SPAG17: variants seen among roughly 807,000 people sequenced by gnomAD.
SPAG17 encodes sperm-associated antigen 17.
Under a neutral mutation model 273.6 loss-of-function variants are expected in SPAG17, and 169 were observed. The ratio of observed to expected loss-of-function variants is 0.62; its 90% CI spans 0.55 to 0.70. SPAG17 has a LOEUF of 0.70. Ranked by LOEUF, SPAG17 falls within the 30% of genes least tolerant of loss-of-function variation. The probability of loss-of-function intolerance (pLI) is 0.00; values close to 1 mark genes in which losing one functional copy is unlikely to be tolerated. For synonymous variants in SPAG17, 825 were observed against 873.2 expected, an observed-to-expected ratio of 0.94 and a Z score of 0.97; for missense variants, 2,557 against 2,627.8, an observed-to-expected ratio of 0.97 and a Z score of 0.59.
In SPAG17 at chr1:118,180,037, T is replaced by G. The variant is rs529188238; in HGVS notation, c.87+5034A>C. On this transcript the variant is annotated intron_variant, in intron 1 of 48. Transcript: ENST00000336338. ...GACACTATAGAAAACTGTAGGGAGA[T>G]TCCTCAAAAAACTAATAGTAGAACT... 4.6e-5 allele frequency among the ~76,000 whole-genome samples: 7 copies of G among 152,080 alleles called. No individual in the cohort carries two copies. The South Asian group carries it at 1.2e-3, about 27-fold the overall frequency.
Position 118,055,730 on chromosome 1 carries a change from T to G in SPAG17, c.2722+3A>C, listed in dbSNP as rs1166010347. The G allele has an allele frequency of 2.5e-6, 4 of 1,605,134 alleles. No homozygotes were observed. The South Asian group carries it at 3.3e-5, about 13-fold the overall frequency. Reference sequence around the variant, plus strand: ...CTACGTATAAGTTGAACTGGTTACTTACTTTTAGATTCTTTAATGGAAAAA... The same window carrying G: ...CTACGTATAAGTTGAACTGGTTACTGACTTTTAGATTCTTTAATGGAAAAA... On this transcript the variant is annotated splice_donor_region_variant and intron_variant, in intron 19 of 48. Transcript: ENST00000336338.
intron 13 of SPAG17, among the ~76,000 whole-genome samples, chr1:118,083,616 C>G (rs1654765582): frequency 6.6e-6 from 1 of 152,070 alleles, no homozygotes; most frequent in African/African-American, 2.4e-5. Flanking sequence ...GAAAGCCCAT[C>G]TCTACTAAAA....
Position 118,081,172 on chromosome 1 carries a change from G to A in SPAG17, c.2138C>T (p.Ser713Leu), listed in dbSNP as rs1420030142. 6.2e-7 allele frequency: 1 copy of A among 1,613,856 alleles called. No individual in the cohort carries two copies. The highest frequency in any genetic ancestry group is 8.5e-7 in the Non-Finnish European group (1 of 1,179,978). ...TAACAGCTGTCTATTATCAGGGACTGAGAGTTTGAGATTATTCAAGTCAGA... is the reference window on the plus strand; with the variant it reads ...TAACAGCTGTCTATTATCAGGGACTAAGAGTTTGAGATTATTCAAGTCAGA... ...KHSDLNNLKL[S>L]VPDNRQLLEQ... The change falls in exon 15 of 49, where the codon TCA (serine) becomes TTA (leucine). Residue 713 changes from serine (S) to leucine (L), a missense_variant. Ser to Leu is a moderately radical substitution (Grantham distance 145). Coordinates refer to ENST00000336338, the MANE Select transcript of SPAG17 (RefSeq NM_206996.4).
intron 38 of SPAG17, among the ~76,000 whole-genome samples, chr1:117,989,651 T>C (rs773425485): frequency 1.3e-5 from 2 of 152,076 alleles, no homozygotes; most frequent in Non-Finnish European, 2.9e-5. Flanking sequence ...TCTCTGCTCA[T>C]TGCAACCATC....
At chr1:118,135,979 T>A (rs965835946) in intron 3 of SPAG17, among the ~76,000 whole-genome samples, 4 of 152,206 alleles carry the variant, frequency 2.6e-5, no homozygotes, top group Non-Finnish European at 5.9e-5. Flanking sequence ...GTACTGTCAT[T>A]AATAACTGCA....
intron 3 of SPAG17, among the ~76,000 whole-genome samples, chr1:118,118,396 C>T (rs767185850): frequency 1.6e-4 from 25 of 152,094 alleles, no homozygotes; most frequent in Non-Finnish European, 2.4e-4. Context: ...ATGTGAGCAG[C>T]GAGCTGGCAG....
At position 117,984,624 on chromosome 1, in the gene SPAG17, T is replaced by G. The variant is rs1366992087; in HGVS notation, c.5769+59A>C. 3 of 1,077,532 alleles carry G rather than the reference T, an allele frequency of 2.8e-6. No homozygotes were observed. The East Asian group carries it at 7.7e-5, about 28-fold the overall frequency. 66.7% of individuals were successfully genotyped at this position (1,077,532 alleles called of 1,614,324 possible). ...GAAAGACAGATTACATAATAACATA[T>G]GCAATATACCAAATTTATAAAAACT... is the stretch of plus-strand genomic sequence containing the variant. On this transcript the variant is annotated intron_variant, in intron 41 of 48. Coordinates refer to ENST00000336338, the MANE Select transcript of SPAG17 (RefSeq NM_206996.4).
intron 6 of SPAG17, 34 bp downstream of exon 6, chr1:118,099,572 A>G: frequency 1.3e-6 from 2 of 1,583,726 alleles, no homozygotes; most frequent in South Asian, 2.2e-5. Flanking sequence ...GGTAATATTG[A>G]AGGACTCAGT....
chr1:117,990,936 A>T (rs1251202812), intron 37 of SPAG17, 30 bp from the exon 38 acceptor site: 1 of 1,341,342 alleles, frequency 7.5e-7, no homozygotes, highest in African/African-American at 1.5e-5. Flanking sequence ...ACTTATGATG[A>T]TTATATTACT....
intron 3 of SPAG17, among the ~76,000 whole-genome samples, chr1:118,126,964 C>A (rs1657771087): frequency 1.3e-5 from 2 of 152,080 alleles, no homozygotes; most frequent in African/African-American, 4.8e-5. Context: ...ATTGTATGTT[C>A]TTGGCACTTT....
chr1:117,955,279 A>G, intron 48 of SPAG17: 1 of 1,569,498 alleles, frequency 6.4e-7, no homozygotes, highest in South Asian at 1.1e-5. Context: ...AAACCAACCA[A>G]GAGTATCACT....
At chr1:118,047,442 G>C (rs1650487535) in intron 20 of SPAG17, among the ~76,000 whole-genome samples, 1 of 152,066 alleles carries the variant, frequency 6.6e-6, no homozygotes, top group African/African-American at 2.4e-5. Flanking sequence ...TGCAGACTCA[G>C]GCTCTAGGCC....
Position 118,072,778 on chromosome 1 carries a change from A to C in SPAG17, c.2385+1076T>G, listed in dbSNP as rs183060308. On this transcript the variant is annotated intron_variant, in intron 17 of 48. Transcript: ENST00000336338. ...TATTGTTAACAGTATCAGAGAATGG[A>C]GAAGTGCTAATGTGAATGTGGGGGT... is the stretch of plus-strand genomic sequence containing the variant. Among the ~76,000 whole-genome samples the C allele has an allele frequency of 6.6e-5, 10 of 152,110 alleles. No individual in the cohort carries two copies. In the East Asian group the frequency reaches 1.9e-3, roughly 29 times the overall value.
At chr1:118,008,246 C>A (rs368307667) in intron 30 of SPAG17, 48 bp from the exon 31 acceptor site, 3 of 1,596,000 alleles carry the variant, frequency 1.9e-6, no homozygotes, top group African/African-American at 1.3e-5. Flanking sequence ...GTAGACATTG[C>A]AAAACAGACC....
intron 26 of SPAG17, among the ~76,000 whole-genome samples, chr1:118,027,093 A>G (rs552662402): frequency 1.3e-5 from 2 of 152,338 alleles, no homozygotes; most frequent in South Asian, 4.1e-4. Flanking sequence ...TCAAAGAAAT[A>G]TATCCTTGAA....
chr1:118,052,993 C>A (rs377556670), intron 20 of SPAG17, among the ~76,000 whole-genome samples: 1 of 151,622 alleles, frequency 6.6e-6, no homozygotes, highest in Non-Finnish European at 1.5e-5. Context: ...TTACTAAGAC[C>A]CTCCTCCCAC....
At chr1:117,964,236 C>CTT (rs373131863) in intron 47 of SPAG17, 174 of 131,778 alleles carry the variant, frequency 1.3e-3, no homozygotes, top group African/African-American at 4.4e-3. Flanking sequence ...AGATTTCATG[C>CTT]TTTTTTTTTT....
rs750663031 is a variant in SPAG17 at position 117,971,843 on chromosome 1, C to T, written c.6326+20G>A. ...GTAGGGAAAGGTAACCTGAGCAGAC[C>T]TTTGGTCCCTTGGCCTCACCTGCAG... is the stretch of plus-strand genomic sequence containing the variant. On this transcript the variant is annotated intron_variant, in intron 45 of 48. Transcript: ENST00000336338. The T allele has an allele frequency of 6.2e-7, 1 of 1,604,264 alleles. No homozygotes were observed. Among genetic ancestry groups the T allele is most frequent in the Non-Finnish European group, 8.5e-7 (1 of 1,174,862 alleles).
intron 18 of SPAG17, among the ~76,000 whole-genome samples, chr1:118,059,570 T>C (rs61810466): frequency 0.41 from 62,500 of 151,860 alleles, 14,219 homozygotes; most frequent in Non-Finnish European, 0.52. Context: ...CTCCTTTAGT[T>C]CTGTTAATAT....
Sources: gnomAD v4.1 joint callset for allele counts (sites outside exome capture counted in the v4.1 genomes callset) on GRCh38, gnomAD v4.1.1 for gene constraint, MANE v1.5 for transcripts, NCBI Gene and HGNC (gene_info 2026-07-23, HGNC 2026-07-21) for gene names.